LPA: variants seen among roughly 807,000 people sequenced by gnomAD.
LPA encodes apolipoprotein(a).
In LPA, 199 loss-of-function variants were observed where a neutral mutation model predicts 197.9. The ratio of observed to expected loss-of-function variants is 1.01; its 90% CI spans 0.90 to 1.13. LPA has a LOEUF of 1.13. Ranked by LOEUF, LPA falls within the 50% of genes most tolerant of loss-of-function variation. The probability of loss-of-function intolerance (pLI) is 0.00; values close to 1 mark genes in which losing one functional copy is unlikely to be tolerated. For synonymous variants in LPA, 715 were observed against 639.5 expected, an observed-to-expected ratio of 1.12 and a Z score of -1.78; for missense variants, 1,853 against 1,785.8, an observed-to-expected ratio of 1.04 and a Z score of -0.68.
Position 160,605,208 on chromosome 6 carries a change from G to A in LPA, c.2786-3C>T, listed in dbSNP as rs1029689311. ...CCCAGGCCTTTGCTCAGTTGGTGCT[G>A]AAATGAAAAGAAAAGAAATCAAACT... On this transcript the variant is annotated splice_polypyrimidine_tract_variant and splice_region_variant and intron_variant, in intron 17 of 38. Coordinates refer to ENST00000316300, the MANE Select transcript of LPA (RefSeq NM_005577.4). 3 of 1,613,096 alleles carry A rather than the reference G, an allele frequency of 1.9e-6. No individual in the cohort carries two copies. In the African/African-American group the frequency reaches 4.0e-5, roughly 22 times the overall value.
chr6:160,588,778 C>T (rs144649090), intron 24 of LPA, among the ~76,000 whole-genome samples: 1 of 152,288 alleles, frequency 6.6e-6, no homozygotes, highest in Non-Finnish European at 1.5e-5. Context: ...TCTGCTTGTC[C>T]TTCAATCCAA....
At chr6:160,577,771 C>T (rs1778712088) in intron 27 of LPA, among the ~76,000 whole-genome samples, 2 of 152,294 alleles carry the variant, frequency 1.3e-5, no homozygotes, top group Middle Eastern at 6.8e-3. Flanking sequence ...TTTAGGAGTG[C>T]AGGCAAAGAC....
chr6:160,610,231 T>A (rs1027517016), intron 16 of LPA, among the ~76,000 whole-genome samples: 1 of 152,130 alleles, frequency 6.6e-6, no homozygotes, highest in Non-Finnish European at 1.5e-5. Flanking sequence ...CTGAGGCAAT[T>A]GACTTTGTTG....
intron 32 of LPA, among the ~76,000 whole-genome samples, chr6:160,546,940 G>A (rs1384422209): frequency 6.6e-6 from 1 of 152,046 alleles, no homozygotes; most frequent in African/African-American, 2.4e-5. Context: ...ATCTTTTCTA[G>A]AAAAATCTGA....
rs374627624 is a variant in LPA, at chr6:160,577,206, T to C, written c.4561A>G (p.Arg1521Gly). The C allele has an allele frequency of 1.8e-4, 297 of 1,613,912 alleles. 6 individuals are homozygous for C. In the South Asian group the frequency reaches 2.7e-3, roughly 14 times the overall value. Residue 1521 changes from arginine to glycine, a missense_variant, in exon 28 of 39, where the codon AGG becomes GGG. Arg to Gly is a moderately radical substitution (Grantham distance 125). Coordinates refer to ENST00000316300, the MANE Select transcript of LPA (RefSeq NM_005577.4). ...RGISSTTVTGRTCQSWSSMIP... is the reference protein window; with the variant it reads ...RGISSTTVTGGTCQSWSSMIP... ...ATAGATGACCAAGATTGACAGGTCC[T>C]TCCTGTGACAGTGGTGGAGGATATG...
intron 28 of LPA, among the ~76,000 whole-genome samples, chr6:160,575,912 G>A (rs929402139): frequency 2.0e-5 from 3 of 152,100 alleles, no homozygotes; most frequent in African/African-American, 2.4e-5. Flanking sequence ...ATTACCAAGT[G>A]TAGAAAATCC....
At chr6:160,591,702 G>T (rs995684721) in intron 22 of LPA, among the ~76,000 whole-genome samples, 2 of 152,084 alleles carry the variant, frequency 1.3e-5, no homozygotes, top group Non-Finnish European at 2.9e-5. Flanking sequence ...CTCCCTCCTT[G>T]GTCTGTCATC....
At chr6:160,551,717 A>G (rs1778168895) in intron 30 of LPA, among the ~76,000 whole-genome samples, 1 of 152,206 alleles carries the variant, frequency 6.6e-6, no homozygotes. Flanking sequence ...TGAGATGAAA[A>G]GCAAAAGTCA....
chr6:160,541,035 A>G, intron 35 of LPA, 72 bp downstream of exon 35: 1 of 1,263,214 alleles, frequency 7.9e-7, no homozygotes, highest in Non-Finnish European at 1.2e-6. Context: ...GGAAGAAAGA[A>G]GGGATGGAGG....
rs1175397287 is a variant in LPA at position 160,609,038 on chromosome 6, T to C, written c.2604-2380A>G. On this transcript the variant is annotated intron_variant, in intron 16 of 38. Coordinates refer to ENST00000316300, the MANE Select transcript of LPA (RefSeq NM_005577.4). The stretch of plus-strand genomic sequence containing the variant: ...TCTTTAATTTGATTTGGCTAGTCAA[T>C]ACTGTTACTTTCTTTTGATATTTTA... Among the ~76,000 whole-genome samples the C allele has an allele frequency of 6.6e-5, 10 of 152,172 alleles. No homozygotes were observed. In the East Asian group the frequency reaches 1.9e-3, roughly 29 times the overall value.
chr6:160,550,789 T>G (rs771550282), intron 30 of LPA, among the ~76,000 whole-genome samples: 4 of 152,240 alleles, frequency 2.6e-5, no homozygotes, highest in Non-Finnish European at 2.9e-5. Flanking sequence ...TCATACATAA[T>G]GTTCATTTTT....
intron 1 of LPA, among the ~76,000 whole-genome samples, chr6:160,657,148 T>G (rs1327251027): frequency 1.3e-5 from 2 of 152,158 alleles, no homozygotes; most frequent in African/African-American, 2.4e-5. Context: ...AGAAGAGCAA[T>G]TACGGGCTCT....
intron 1 of LPA, among the ~76,000 whole-genome samples, chr6:160,654,454 G>A (rs940914682): frequency 2.0e-5 from 3 of 151,704 alleles, no homozygotes; most frequent in Non-Finnish European, 2.9e-5. Context: ...AGACATAACC[G>A]AGATTAATAC....
intron 17 of LPA, among the ~76,000 whole-genome samples, chr6:160,606,229 G>A (rs546936587): frequency 2.0e-5 from 3 of 152,174 alleles, no homozygotes; most frequent in African/African-American, 7.2e-5. Flanking sequence ...TTTTCAACGA[G>A]GTGAGTTGTG....
intron 16 of LPA, 124 bp downstream of exon 16, chr6:160,611,438 C>T (rs1387908317): frequency 9.2e-6 from 14 of 1,514,058 alleles, no homozygotes; most frequent in Admixed American, 1.7e-5. Context: ...CATCCTGAGA[C>T]ATTTTGCTAC....
intron 22 of LPA, among the ~76,000 whole-genome samples, chr6:160,591,538 T>C (rs1301062156): frequency 6.6e-6 from 1 of 152,208 alleles, no homozygotes; most frequent in Non-Finnish European, 1.5e-5. Context: ...GGTTTGCTGA[T>C]TTGTTGTTTA....
chr6:160,557,150 C>T (rs1030279016), intron 29 of LPA, among the ~76,000 whole-genome samples: 5 of 152,046 alleles, frequency 3.3e-5, no homozygotes, highest in Non-Finnish European at 4.4e-5. Context: ...CGAGATAACC[C>T]CTTTCATAAC....
At chr6:160,539,734 G>A (rs113444323) in intron 36 of LPA, among the ~76,000 whole-genome samples, 35 of 152,218 alleles carry the variant, frequency 2.3e-4, no homozygotes, top group African/African-American at 8.2e-4. Flanking sequence ...AAGGAGAATA[G>A]TTAGCCTGGA....
intron 8 of LPA, among the ~76,000 whole-genome samples, chr6:160,632,136 T>A (rs1779701755): frequency 7.3e-6 from 1 of 136,854 alleles, no homozygotes; most frequent in South Asian, 2.3e-4. Context: ...CATACTTTTT[T>A]TATACTAGCT....
Sources: allele counts gnomAD v4.1 joint callset (sites outside exome capture counted in the v4.1 genomes callset), GRCh38; gene constraint gnomAD v4.1.1; transcripts MANE v1.5; gene names NCBI Gene and HGNC (gene_info 2026-07-23, HGNC 2026-07-21).